Variants in VWA8 observed in about 807,000 individuals in gnomAD.
VWA8 encodes the protein von Willebrand factor A domain containing 8, also known as von Willebrand factor A domain-containing protein 8.
A neutral mutation model predicts 241.5 loss-of-function variants in VWA8; 221 were observed. The ratio of observed to expected loss-of-function variants is 0.91; its 90% confidence interval spans 0.82 to 1.02. The LOEUF (loss-of-function observed/expected upper bound fraction) is 1.02, where lower values mean the gene tolerates loss of function less well. VWA8 is among the 50% of genes least tolerant of loss of function. The pLI is 0.00. For missense variants in VWA8, 2,322 were observed against 2,328.7 expected (o/e 1.00, Z 0.06); for synonymous variants, 852 against 827.1 (o/e 1.03, Z -0.52).
intron 17 of VWA8, among the ~76,000 whole-genome samples, chr13:41,788,188 A>C (rs1869294430): frequency 6.6e-6 from 1 of 152,204 alleles, no homozygotes; most frequent in Non-Finnish European, 1.5e-5. Context: ...TTATGGTCCC[A>C]AGTGAGCCAA....
rs1191810226 is a variant in VWA8, at chr13:41,784,737, C to CACAT, written c.2171-837_2171-836insATGT. Among the ~76,000 whole-genome samples the CACAT allele has an allele frequency of 3.7e-3, 265 of 72,554 alleles. 7 individuals carry two copies. The highest frequency in any genetic ancestry group is 3.6e-3 in the African/African-American group (80 of 22,324). 47.6% of individuals were successfully genotyped at this position (72,554 alleles called of 152,430 possible). A position where few individuals can be genotyped will look rare whatever the true frequency, so the allele number is the denominator to read the frequency against. Reference sequence around the variant, plus strand: ...ATATATATATATATATATACACACACATATATATATATATATATATATATA... The same window carrying CACAT: ...ATATATATATATATATATACACACACACATATATATATATATATATATATATATA... On this transcript the variant is annotated intron_variant, in intron 18 of 44. Coordinates refer to ENST00000379310, the MANE Select transcript of VWA8 (RefSeq NM_015058.2).
intron 37 of VWA8, among the ~76,000 whole-genome samples, chr13:41,648,003 G>A (rs1160644977): frequency 6.6e-6 from 1 of 151,562 alleles, no homozygotes; most frequent in East Asian, 1.9e-4. Context: ...AAAAAAAAAA[G>A]AATTCAAGTC....
chr13:41,856,653 T>A (rs1277653519), intron 12 of VWA8, among the ~76,000 whole-genome samples: 7 of 152,018 alleles, frequency 4.6e-5, no homozygotes, highest in Non-Finnish European at 8.8e-5. Context: ...AAACCCCATC[T>A]CTACCAAAAA....
At chr13:41,817,730 C>T (rs1384477052) in intron 15 of VWA8, among the ~76,000 whole-genome samples, 1 of 152,182 alleles carries the variant, frequency 6.6e-6, no homozygotes, top group Non-Finnish European at 1.5e-5. Context: ...TCATTAAACT[C>T]TAAAACCTAT....
At chr13:41,709,129 C>A (rs995409375) in intron 26 of VWA8, among the ~76,000 whole-genome samples, 2 of 152,190 alleles carry the variant, frequency 1.3e-5, no homozygotes, top group African/African-American at 2.4e-5. Flanking sequence ...CAAGGACTCA[C>A]GGAATGAAAA....
At chr13:41,628,600 TA>T (rs925563523) in intron 37 of VWA8, among the ~76,000 whole-genome samples, 9 of 151,848 alleles carry the variant, frequency 5.9e-5, no homozygotes, top group African/African-American at 1.7e-4. Flanking sequence ...TATGCAGCCA[TA>T]AAAAAAATAA....
At chr13:41,746,926 T>TA (rs2045611679) in intron 21 of VWA8, among the ~76,000 whole-genome samples, 2 of 152,206 alleles carry the variant, frequency 1.3e-5, no homozygotes, top group African/African-American at 4.8e-5. Flanking sequence ...GTGACATACT[T>TA]ACTGCAGTAC....
intron 12 of VWA8, among the ~76,000 whole-genome samples, chr13:41,848,132 T>C (rs1872369588): frequency 6.6e-6 from 1 of 152,190 alleles, no homozygotes; most frequent in Non-Finnish European, 1.5e-5. Flanking sequence ...GTTCCAGTAC[T>C]TGACAACTCT....
chr13:41,798,166 A>C (rs992216844), intron 17 of VWA8, among the ~76,000 whole-genome samples: 1 of 152,156 alleles, frequency 6.6e-6, no homozygotes, highest in African/African-American at 2.4e-5. Flanking sequence ...AGTTTCTATA[A>C]GTTTTTAGCT....
intron 21 of VWA8, among the ~76,000 whole-genome samples, chr13:41,758,250 T>C (rs1322027618): frequency 6.6e-6 from 1 of 150,734 alleles, no homozygotes; most frequent in East Asian, 1.9e-4. Flanking sequence ...TTACACACTA[T>C]TAACAATAGC....
At chr13:41,714,074 T>C (rs911354279) in intron 26 of VWA8, among the ~76,000 whole-genome samples, 9 of 152,104 alleles carry the variant, frequency 5.9e-5, no homozygotes, top group African/African-American at 1.9e-4. Flanking sequence ...TGGCTATTTC[T>C]GGATGGTAAC....
chr13:41,708,509 A>G (rs2045296832), intron 26 of VWA8, among the ~76,000 whole-genome samples: 1 of 152,214 alleles, frequency 6.6e-6, no homozygotes. Context: ...TAGAAACTTC[A>G]GAATGTCGCT....
chr13:41,770,470 T>C lies in VWA8; in HGVS notation c.2349+7515A>G, dbSNP rs183668219. On this transcript the variant is annotated intron_variant, in intron 20 of 44. Coordinates refer to ENST00000379310, the MANE Select transcript of VWA8 (RefSeq NM_015058.2). ...AAAAAAAAAAAAAGAAAAGAAACTG[T>C]AGTTTGAAAGAACTAGAACTATAAA... 2.5e-3 allele frequency among the ~76,000 whole-genome samples: 377 copies of C among 150,188 alleles called. 2 individuals are homozygous for C. Among genetic ancestry groups the C allele is most frequent in the African/African-American group, 8.8e-3 (362 of 41,028 alleles).
chr13:41,645,350 T>C (rs1304841846), intron 37 of VWA8, among the ~76,000 whole-genome samples: 1 of 152,198 alleles, frequency 6.6e-6, no homozygotes, highest in Non-Finnish European at 1.5e-5. Context: ...CGGATTTTCA[T>C]CAAGGATATT....
chr13:41,732,801 C>T (rs2045495079), intron 21 of VWA8, among the ~76,000 whole-genome samples: 1 of 152,120 alleles, frequency 6.6e-6, no homozygotes, highest in Non-Finnish European at 1.5e-5. Context: ...TAACAGTTGG[C>T]TATCCTGATG....
At chr13:41,641,589 C>G (rs1175781575) in intron 37 of VWA8, among the ~76,000 whole-genome samples, 1 of 152,046 alleles carries the variant, frequency 6.6e-6, no homozygotes, top group African/African-American at 2.4e-5. Context: ...ATTATAATGT[C>G]TACTACTGGT....
In VWA8 at chr13:41,848,847, G is replaced by T. The variant is rs11147862; in HGVS notation, c.1426-15316C>A. ...TCCCTGTCTGCAGCTACCTAAATCT[G>T]GGAGAGCTTAAGGGAGCTACTAGAA... On this transcript the variant is annotated intron_variant, in intron 12 of 44. Coordinates refer to ENST00000379310, the MANE Select transcript of VWA8 (RefSeq NM_015058.2). 7.1e-3 allele frequency among the ~76,000 whole-genome samples: 1,087 copies of T among 152,214 alleles called. 8 individuals carry two copies. Among genetic ancestry groups the T allele is most frequent in the Non-Finnish European group, 8.0e-3 (545 of 67,990 alleles).
intron 21 of VWA8, 32 bp from the exon 22 acceptor site, chr13:41,732,187 G>A: frequency 6.3e-7 from 1 of 1,583,676 alleles, no homozygotes; most frequent in Admixed American, 1.7e-5. Context: ...TTATAGTTAG[G>A]AAGGAAATAA....
At chr13:41,601,543 G>A (rs1451459344) in intron 40 of VWA8, among the ~76,000 whole-genome samples, 1 of 152,160 alleles carries the variant, frequency 6.6e-6, no homozygotes, top group Non-Finnish European at 1.5e-5. Flanking sequence ...ACATTGGAGA[G>A]AAGATATGAT....
Sources: allele counts gnomAD v4.1 joint callset (sites outside exome capture counted in the v4.1 genomes callset), GRCh38; gene constraint gnomAD v4.1.1; transcripts MANE v1.5; gene names NCBI Gene and HGNC (gene_info 2026-07-23, HGNC 2026-07-21).